JAM3: variants seen among roughly 807,000 people sequenced by gnomAD.
JAM3 encodes junctional adhesion molecule 3.
JAM3 carries 31 observed loss-of-function variants against 39.4 expected under a neutral mutation model. The ratio of observed to expected loss-of-function variants is 0.79; its 90% confidence interval spans 0.59 to 1.06. The LOEUF (loss-of-function observed/expected upper bound fraction) is 1.06. Ranked by LOEUF, JAM3 falls within the 50% of genes least tolerant of loss-of-function variation. The probability of loss-of-function intolerance (pLI) is 0.00; values close to 1 mark genes in which losing one functional copy is unlikely to be tolerated. For synonymous variants in JAM3, 182 were observed against 148.7 expected, an observed-to-expected ratio of 1.22 and a Z score of -1.63; for missense variants, 455 against 391.4, an observed-to-expected ratio of 1.16 and a Z score of -1.37.
chr11:134,115,585 A>G (rs1337826920), intron 1 of JAM3, among the ~76,000 whole-genome samples: 1 of 152,108 alleles, frequency 6.6e-6, no homozygotes, highest in Non-Finnish European at 1.5e-5. Context: ...ATGTTTTCTC[A>G]TGATTAGACT....
intron 1 of JAM3, among the ~76,000 whole-genome samples, chr11:134,076,832 G>C (rs1565480978): frequency 1.7e-5 from 2 of 121,052 alleles, no homozygotes; most frequent in African/African-American, 3.3e-5. Context: ...AACATCTATT[G>C]CTTTTTTTTT....
intron 1 of JAM3, among the ~76,000 whole-genome samples, chr11:134,075,823 A>C (rs995876613): frequency 3.3e-5 from 5 of 152,172 alleles, no homozygotes; most frequent in African/African-American, 7.2e-5. Flanking sequence ...TATCCATTCA[A>C]ATATCACCTA....
intron 1 of JAM3, among the ~76,000 whole-genome samples, chr11:134,107,985 AAC>A (rs1434689755): frequency 6.6e-6 from 1 of 152,130 alleles, no homozygotes; most frequent in African/African-American, 2.4e-5. Flanking sequence ...AGAAAACAAA[AAC>A]AACAGAAAAA....
chr11:134,085,644 GT>G (rs1040376419), intron 1 of JAM3, among the ~76,000 whole-genome samples: 13 of 152,156 alleles, frequency 8.5e-5, no homozygotes, highest in African/African-American at 3.1e-4. Flanking sequence ...CATATCATTT[GT>G]TGTTGTATTG....
chr11:134,143,643 ATTG>A (rs1258824385), intron 3 of JAM3, among the ~76,000 whole-genome samples: 2 of 152,122 alleles, frequency 1.3e-5, no homozygotes, highest in Admixed American at 6.5e-5. Context: ...CATTGTGTGG[ATTG>A]TTTTCACCTG....
rs140443347 is a variant in JAM3 at position 134,124,930 on chromosome 11, C to T, written c.77-14921C>T. 7.7e-3 allele frequency among the ~76,000 whole-genome samples: 1,180 copies of T among 152,364 alleles called. 7 individuals are homozygous for T. Among genetic ancestry groups the T allele is most frequent in the Middle Eastern group, 0.014 (4 of 294 alleles). On this transcript the variant is annotated intron_variant, in intron 1 of 8. Transcript: ENST00000299106. ...CGAGCGGGGACCGGGCATTGAAGTC[C>T]GGCGGTGGCAGGAGCGAGGAGGCGC...
At chr11:134,123,946 G>A (rs896282358) in intron 1 of JAM3, 21 of 1,479,596 alleles carry the variant, frequency 1.4e-5, no homozygotes, top group East Asian at 9.1e-5. Flanking sequence ...GTTATAAACT[G>A]AACTGCATCT....
chr11:134,074,353 C>T (rs1941530813), intron 1 of JAM3, among the ~76,000 whole-genome samples: 1 of 152,088 alleles, frequency 6.6e-6, no homozygotes, highest in Non-Finnish European at 1.5e-5. Flanking sequence ...GTTTGGCTTC[C>T]AGTAGATACA....
intron 5 of JAM3, 22 bp from the exon 6 acceptor site, chr11:134,145,924 T>C: frequency 6.4e-7 from 1 of 1,552,720 alleles, no homozygotes; most frequent in Non-Finnish European, 8.9e-7. Context: ...TCCGATTATT[T>C]ACTTGTCATT....
intron 1 of JAM3, among the ~76,000 whole-genome samples, chr11:134,086,734 C>G (rs1433289169): frequency 6.6e-6 from 1 of 152,072 alleles, no homozygotes; most frequent in African/African-American, 2.4e-5. Flanking sequence ...AGATAGGGCT[C>G]CATGTTCCAT....
At chr11:134,099,675 T>C (rs470474) in intron 1 of JAM3, among the ~76,000 whole-genome samples, 60,133 of 152,110 alleles carry the variant, frequency 0.4, 12,939 homozygotes, top group African/African-American at 0.58. Flanking sequence ...GGTGCGATCT[T>C]GGGTCACTGC....
chr11:134,124,238 G>A, intron 1 of JAM3: 1 of 1,263,916 alleles, frequency 7.9e-7, no homozygotes, highest in South Asian at 1.2e-5. Context: ...GTTCCTCTGG[G>A]AACTCGTTGA....
At chr11:134,142,632 G>C (rs1465740250) in intron 3 of JAM3, among the ~76,000 whole-genome samples, 1 of 152,080 alleles carries the variant, frequency 6.6e-6, no homozygotes, top group African/African-American at 2.4e-5. Context: ...TTTTTATGGA[G>C]CTGTAATTCG....
intron 1 of JAM3, among the ~76,000 whole-genome samples, chr11:134,104,401 A>G (rs1202742517): frequency 2.6e-5 from 4 of 152,252 alleles, no homozygotes; most frequent in African/African-American, 9.6e-5. Flanking sequence ...CACAAGAGAA[A>G]GCAGGAAAGA....
rs577829912 is a variant in JAM3 at position 134,115,105 on chromosome 11, T to C, written c.77-24746T>C. ...TTATCGATTTTTAAATTTATTGTTA[T>C]GAAATGACTTCCTTTATCATTATGA... On this transcript the variant is annotated intron_variant, in intron 1 of 8. Coordinates refer to ENST00000299106, the MANE Select transcript of JAM3 (RefSeq NM_032801.5). Among the ~76,000 whole-genome samples the C allele has an allele frequency of 4.6e-5, 7 of 152,352 alleles. No homozygotes were observed. The South Asian group carries it at 1.2e-3, about 27-fold the overall frequency.
chr11:134,149,567 C>G lies in JAM3; in HGVS notation c.*386C>G, dbSNP rs368711181. 145 of 480,184 alleles carry G rather than the reference C, an allele frequency of 3.0e-4. No individual in the cohort carries two copies. Among genetic ancestry groups the G allele is most frequent in the African/African-American group, 2.2e-3 (115 of 51,268 alleles). 29.7% of individuals were successfully genotyped at this position (480,184 alleles called of 1,614,324 possible). The stretch of plus-strand genomic sequence containing the variant: ...GGTCGTTCAGCAGCCACGACAGCAC[C>G]ATGTGAGATGGCGAGGTGGCTGGAC... On this transcript the variant is annotated 3_prime_UTR_variant, in exon 9 of 9. Coordinates refer to ENST00000299106, the MANE Select transcript of JAM3 (RefSeq NM_032801.5).
intron 1 of JAM3, among the ~76,000 whole-genome samples, chr11:134,080,827 G>C (rs1941653880): frequency 6.6e-6 from 1 of 152,172 alleles, no homozygotes; most frequent in Non-Finnish European, 1.5e-5. Context: ...GAACAGTTTG[G>C]AGGGCTCAGA....
At chr11:134,139,312 ACTT>A (rs528972542) in intron 1 of JAM3, among the ~76,000 whole-genome samples, 27 of 152,306 alleles carry the variant, frequency 1.8e-4, no homozygotes, top group African/African-American at 6.3e-4. Flanking sequence ...ACCGGTGAAA[ACTT>A]CTTCGTGGAC....
intron 1 of JAM3, among the ~76,000 whole-genome samples, chr11:134,128,518 C>T (rs1384986476): frequency 1.1e-4 from 16 of 152,120 alleles, no homozygotes; most frequent in Admixed American, 6.6e-4. Context: ...CCCTGGTGGA[C>T]GTGATTGGAT....
Sources: allele counts gnomAD v4.1 joint callset (sites outside exome capture counted in the v4.1 genomes callset), GRCh38; gene constraint gnomAD v4.1.1; transcripts MANE v1.5; gene names NCBI Gene and HGNC (gene_info 2026-07-23, HGNC 2026-07-21).